The following SNX27 variants were observed in gnomAD, a reference collection of about 807,000 sequenced individuals.
The protein encoded by SNX27 is sorting nexin 27, also known as sorting nexin-27.
In SNX27, 22 loss-of-function variants were observed where a neutral mutation model predicts 71.6. The ratio of observed to expected loss-of-function variants is 0.31; its 90% CI spans 0.22 to 0.44. SNX27 has a LOEUF of 0.44. Among genes scored for constraint, SNX27 ranks in the 20% least tolerant of loss-of-function variants. The pLI is 1.00. For missense variants in SNX27, 531 were observed against 698.6 expected (o/e 0.76, Z 2.70); for synonymous variants, 269 against 277.2 (o/e 0.97, Z 0.29).
chr1:151,628,266 C>G (rs934243723), intron 1 of SNX27, among the ~76,000 whole-genome samples: 2 of 152,116 alleles, frequency 1.3e-5, no homozygotes, highest in African/African-American at 4.8e-5. Context: ...CTTCGCCTAC[C>G]TAAGTACTGG....
rs1421795847 is a variant in SNX27, at chr1:151,696,931, T to G, written c.*2514T>G. Reference sequence around the variant, plus strand: ...TCCCAAAGTGCTAGGATTACAGGAGTGAGCCACTGCGCCTGGCCCACTTTT... The same window carrying G: ...TCCCAAAGTGCTAGGATTACAGGAGGGAGCCACTGCGCCTGGCCCACTTTT... On this transcript the variant is annotated 3_prime_UTR_variant, in exon 12 of 12. Transcript: ENST00000458013. The G allele has an allele frequency of 6.6e-6, 1 of 152,066 alleles. No homozygotes were observed. Among genetic ancestry groups the G allele is most frequent in the Non-Finnish European group, 1.5e-5 (1 of 68,072 alleles). 9.4% of individuals were successfully genotyped at this position (152,066 alleles called of 1,614,324 possible).
intron 1 of SNX27, among the ~76,000 whole-genome samples, chr1:151,627,078 G>A (rs1667980695): frequency 1.3e-5 from 2 of 152,132 alleles, no homozygotes; most frequent in African/African-American, 4.8e-5. Context: ...ATTTGTGTGT[G>A]TATATTAACT....
At chr1:151,667,220 G>T (rs1670227155) in intron 6 of SNX27, 1 of 104,712 alleles carries the variant, frequency 9.6e-6, no homozygotes, top group African/African-American at 3.8e-5. Flanking sequence ...CAACACTCTA[G>T]CCTGGGCAAC....
chr1:151,624,966 G>A (rs1381452223), intron 1 of SNX27, among the ~76,000 whole-genome samples: 3 of 152,146 alleles, frequency 2.0e-5, no homozygotes, highest in South Asian at 2.1e-4. Flanking sequence ...GAACAGATGA[G>A]TCTTATTTGT....
At chr1:151,663,055 C>T (rs1670031624) in intron 5 of SNX27, among the ~76,000 whole-genome samples, 1 of 152,048 alleles carries the variant, frequency 6.6e-6, no homozygotes, top group Non-Finnish European at 1.5e-5. Flanking sequence ...TGCCTAATAA[C>T]TACTCCATAG....
intron 1 of SNX27, among the ~76,000 whole-genome samples, chr1:151,619,308 T>C (rs115744768): frequency 0.02 from 3,009 of 152,312 alleles, 100 homozygotes; most frequent in African/African-American, 0.068. Context: ...ATCACTGACC[T>C]CAAGCCTGGG....
intron 2 of SNX27, among the ~76,000 whole-genome samples, chr1:151,653,440 G>A (rs1418764664): frequency 6.6e-6 from 1 of 152,132 alleles, no homozygotes; most frequent in Non-Finnish European, 1.5e-5. Context: ...TGTGCCATAG[G>A]CCTCAAGTTT....
intron 2 of SNX27, among the ~76,000 whole-genome samples, chr1:151,654,259 C>T (rs188029362): frequency 6.6e-6 from 1 of 152,306 alleles, no homozygotes; most frequent in East Asian, 1.9e-4. Flanking sequence ...TTGCTTTTTA[C>T]TTGGGCTAGA....
intron 1 of SNX27, chr1:151,629,453 A>ATATACGTATATATACACATGTG (rs1668097227): frequency 9.8e-6 from 1 of 102,462 alleles, no homozygotes; most frequent in Admixed American, 9.0e-5. Flanking sequence ...ATACACATGT[A>ATATACGTATATATACACATGTG]TATATACGTA....
rs1170909557 is a variant in SNX27 at position 151,637,193 on chromosome 1, C to G, written c.312-1695C>G. On this transcript the variant is annotated intron_variant, in intron 1 of 11. Coordinates refer to ENST00000458013, the MANE Select transcript of SNX27 (RefSeq NM_001330723.2). ...TTGTTTTTTTTTTTTGAGACAGAGT[C>G]TTGCTCTGTCCGCCAGGCTGGAGTG... Among the ~76,000 whole-genome samples the G allele has an allele frequency of 4.2e-5, 5 of 118,670 alleles. No individual in the cohort carries two copies. In the East Asian group the frequency reaches 1.2e-3, roughly 29 times the overall value. The allele number at this position is 118,670 out of a possible 152,430, so 77.9% of individuals were successfully genotyped here. A position where few individuals can be genotyped will look rare whatever the true frequency, so the allele number is the denominator to read the frequency against.
chr1:151,693,171 G>T, intron 10 of SNX27, 132 bp downstream of exon 10: 1 of 1,327,956 alleles, frequency 7.5e-7, no homozygotes. Context: ...GAATCCTGGA[G>T]CCCCCAGATT....
intron 1 of SNX27, among the ~76,000 whole-genome samples, chr1:151,624,205 G>A (rs751175569): frequency 5.3e-5 from 8 of 151,286 alleles, no homozygotes; most frequent in African/African-American, 1.7e-4. Flanking sequence ...GGCTCAAGCC[G>A]TCCTCCTGCC....
intron 1 of SNX27, among the ~76,000 whole-genome samples, chr1:151,630,824 G>A (rs1481756789): frequency 1.3e-5 from 2 of 152,166 alleles, no homozygotes; most frequent in Non-Finnish European, 2.9e-5. Context: ...ACGAGGTCAG[G>A]AGATCGAGAC....
chr1:151,625,508 A>G (rs989827570), intron 1 of SNX27, among the ~76,000 whole-genome samples: 10 of 150,904 alleles, frequency 6.6e-5, no homozygotes, highest in African/African-American at 2.4e-4. Flanking sequence ...TCTGTCTCAA[A>G]AAAAAAAAAA....
chr1:151,636,240 A>T (rs1286187014), intron 1 of SNX27, among the ~76,000 whole-genome samples: 1 of 152,262 alleles, frequency 6.6e-6, no homozygotes, highest in African/African-American at 2.4e-5. Flanking sequence ...ATTTTTCACA[A>T]ATGTGCGTTT....
At chr1:151,621,191 A>T (rs1050194592) in intron 1 of SNX27, among the ~76,000 whole-genome samples, 3 of 152,234 alleles carry the variant, frequency 2.0e-5, no homozygotes, top group Non-Finnish European at 4.4e-5. Context: ...GCTTTCTTTC[A>T]TAATATTCGT....
chr1:151,619,868 G>A (rs1667594398), intron 1 of SNX27, among the ~76,000 whole-genome samples: 1 of 152,200 alleles, frequency 6.6e-6, no homozygotes, highest in Non-Finnish European at 1.5e-5. Context: ...CTGCCTTTGA[G>A]AAGCTTACAC....
At chr1:151,628,156 G>A (rs557704343) in intron 1 of SNX27, among the ~76,000 whole-genome samples, 48 of 151,958 alleles carry the variant, frequency 3.2e-4, no homozygotes, top group African/African-American at 1.1e-3. Flanking sequence ...ACAGGCGCCC[G>A]CCACCATGCC....
Position 151,656,223 on chromosome 1 carries a change from CAAA to C in SNX27, c.544-1994_544-1992del, listed in dbSNP as rs71093203. Among the ~76,000 whole-genome samples, 12 of 77,440 alleles carry C rather than the reference CAAA, an allele frequency of 1.5e-4. No homozygotes were observed. The South Asian group carries it at 5.0e-3, about 32-fold the overall frequency. The allele number at this position is 77,440 out of a possible 152,430, so 50.8% of individuals were successfully genotyped here. A position where few individuals can be genotyped will look rare whatever the true frequency, so the allele number is the denominator to read the frequency against. Reference sequence around the variant, plus strand: ...TGGGTGACAGAGCGAGACTCCGTCTCAAAAAAAAAAAAAAAAAAAAGACCAGTG... The same window carrying C: ...TGGGTGACAGAGCGAGACTCCGTCTCAAAAAAAAAAAAAAAAAGACCAGTG... On this transcript the variant is annotated intron_variant, in intron 2 of 11. Transcript: ENST00000458013.
Sources: allele counts gnomAD v4.1 joint callset (sites outside exome capture counted in the v4.1 genomes callset), GRCh38; gene constraint gnomAD v4.1.1; transcripts MANE v1.5; gene names NCBI Gene and HGNC (gene_info 2026-07-23, HGNC 2026-07-21).